The following FNDC3B variants were observed in gnomAD, a reference collection of about 807,000 sequenced individuals.
FNDC3B encodes the protein fibronectin type III domain containing 3B.
In FNDC3B, 12 loss-of-function variants were observed where a neutral mutation model predicts 151.5. That is an observed-to-expected ratio of 0.08 (90% CI 0.05 to 0.13). The LOEUF (loss-of-function observed/expected upper bound fraction) is 0.13. Ranked by LOEUF, FNDC3B falls within the 10% of genes least tolerant of loss-of-function variation. The pLI is 1.00. For synonymous variants in FNDC3B, 528 were observed against 549.0 expected (o/e 0.96, Z 0.54); for missense variants, 1,214 against 1,505.3 (o/e 0.81, Z 3.20).
intron 9 of FNDC3B, among the ~76,000 whole-genome samples, chr3:172,299,533 T>G (rs1730795621): frequency 6.6e-6 from 1 of 152,110 alleles, no homozygotes; most frequent in Admixed American, 6.6e-5. Context: ...CTAAAAAAAC[T>G]TTTTTTTAAT....
intron 1 of FNDC3B, among the ~76,000 whole-genome samples, chr3:172,056,143 C>T (rs992370476): frequency 6.6e-6 from 1 of 152,012 alleles, no homozygotes; most frequent in Non-Finnish European, 1.5e-5. Context: ...ACTGAGTCAT[C>T]GGTGAGTCCA....
At chr3:172,269,017 C>CT (rs1307587859) in intron 6 of FNDC3B, among the ~76,000 whole-genome samples, 162 of 151,952 alleles carry the variant, frequency 1.1e-3, no homozygotes, top group African/African-American at 3.2e-3. Context: ...TAGTATTTGG[C>CT]TTTTTTTTGT....
chr3:172,171,600 C>CT (rs34275289), intron 3 of FNDC3B, among the ~76,000 whole-genome samples: 3,679 of 123,522 alleles, frequency 0.03, 180 homozygotes, highest in African/African-American at 0.099. Context: ...GCTGTATTAA[C>CT]TTTTTTTTTT....
chr3:172,364,137 A>G (rs928326940), intron 23 of FNDC3B, among the ~76,000 whole-genome samples: 3 of 152,230 alleles, frequency 2.0e-5, no homozygotes. Flanking sequence ...CCACTGATAC[A>G]CAAGAGCATT....
intron 3 of FNDC3B, 34 bp downstream of exon 3, chr3:172,133,580 GA>G (rs553099022): frequency 3.4e-6 from 5 of 1,470,018 alleles, no homozygotes; most frequent in East Asian, 2.3e-5. Flanking sequence ...TCTAATCAAA[GA>G]TTTTTTTCTT....
intron 3 of FNDC3B, among the ~76,000 whole-genome samples, chr3:172,213,024 T>C (rs1303555754): frequency 3.3e-5 from 5 of 152,236 alleles, no homozygotes; most frequent in African/African-American, 1.2e-4. Flanking sequence ...GTTTGTAGTT[T>C]ACACACCAAT....
chr3:172,223,992 C>G (rs1726423512), intron 3 of FNDC3B, among the ~76,000 whole-genome samples: 1 of 152,188 alleles, frequency 6.6e-6, no homozygotes. Context: ...AAGTAAGGTT[C>G]AGAAAGGCTA....
intron 2 of FNDC3B, among the ~76,000 whole-genome samples, chr3:172,128,857 G>A (rs1720931249): frequency 6.6e-6 from 1 of 152,192 alleles, no homozygotes; most frequent in Non-Finnish European, 1.5e-5. Flanking sequence ...GAAGTGAAAT[G>A]GGATCTCCTC....
intron 3 of FNDC3B, among the ~76,000 whole-genome samples, chr3:172,177,259 GGCCTAAT>G (rs1723643323): frequency 6.6e-6 from 1 of 152,122 alleles, no homozygotes; most frequent in South Asian, 2.1e-4. Flanking sequence ...CGGATTCCTG[GGCCTAAT>G]GCCAGGTCTA....
intron 3 of FNDC3B, among the ~76,000 whole-genome samples, chr3:172,145,849 T>C (rs1362311727): frequency 3.3e-5 from 5 of 150,050 alleles, no homozygotes; most frequent in Non-Finnish European, 5.9e-5. Flanking sequence ...GTTTCACTCT[T>C]GTTGCCCAGG....
intron 3 of FNDC3B, among the ~76,000 whole-genome samples, chr3:172,189,968 T>C (rs1724419684): frequency 1.3e-5 from 2 of 152,204 alleles, no homozygotes. Context: ...GGCAGTATGC[T>C]GTTTTTATTC....
At chr3:172,325,571 C>T (rs1207488211) in intron 11 of FNDC3B, among the ~76,000 whole-genome samples, 1 of 152,168 alleles carries the variant, frequency 6.6e-6, no homozygotes, top group Non-Finnish European at 1.5e-5. Context: ...TATTTGCAAC[C>T]TGGGACCCAT....
At chr3:172,370,616 A>G (rs1242793645) in intron 23 of FNDC3B, among the ~76,000 whole-genome samples, 2 of 152,218 alleles carry the variant, frequency 1.3e-5, no homozygotes, top group Non-Finnish European at 2.9e-5. Flanking sequence ...GACTTGTTCA[A>G]GTTTACAGTG....
rs1715984021 is a variant in FNDC3B at position 172,040,566 on chromosome 3, G to A, written c.-29+795G>A. The A allele has an allele frequency of 6.6e-6, 1 of 152,188 alleles. No homozygotes were observed. Among genetic ancestry groups the A allele is most frequent in the East Asian group, 1.9e-4 (1 of 5,154 alleles). 9.4% of individuals were successfully genotyped at this position (152,188 alleles called of 1,614,324 possible). Reference sequence around the variant, plus strand: ...AGCCGGCGGCTGGAAGCTCGGGCGGGGGAGCGGGGCGCGGCGGGAAGGAGC... The same window carrying A: ...AGCCGGCGGCTGGAAGCTCGGGCGGAGGAGCGGGGCGCGGCGGGAAGGAGC... On this transcript the variant is annotated intron_variant, in intron 1 of 25. Coordinates refer to ENST00000415807, the MANE Select transcript of FNDC3B (RefSeq NM_022763.4). This position sits in a 1 kb window ranked among gnomAD's most constrained non-coding sequence, Gnocchi z 6.6.
In FNDC3B at chr3:172,400,496, A is replaced by G. The variant is rs1250186106; in HGVS notation, c.*3021A>G. 1 of 152,644 alleles carries G rather than the reference A, an allele frequency of 6.6e-6. No individual in the cohort carries two copies. Among genetic ancestry groups the G allele is most frequent in the Non-Finnish European group, 1.5e-5 (1 of 68,036 alleles). The allele number at this position is 152,644 out of a possible 1,614,324, so 9.5% of individuals were successfully genotyped here. A position where few individuals can be genotyped will look rare whatever the true frequency, so the allele number is the denominator to read the frequency against. On this transcript the variant is annotated 3_prime_UTR_variant, in exon 26 of 26. Coordinates refer to ENST00000415807, the MANE Select transcript of FNDC3B (RefSeq NM_022763.4). Reference sequence around the variant, plus strand: ...ACCTCACTGTTGGACATACATTCCAAGCTTTTCAACTCTAGGAGAAAAAGA... The same window carrying G: ...ACCTCACTGTTGGACATACATTCCAGGCTTTTCAACTCTAGGAGAAAAAGA...
chr3:172,326,121 C>T (rs1029659907), intron 11 of FNDC3B, among the ~76,000 whole-genome samples: 2 of 152,232 alleles, frequency 1.3e-5, no homozygotes, highest in African/African-American at 4.8e-5. Context: ...CCATCACACC[C>T]CGCCCAGATA....
intron 4 of FNDC3B, among the ~76,000 whole-genome samples, 177 bp from the exon 5 acceptor site, chr3:172,247,354 CAT>C (rs1214200947): frequency 6.6e-6 from 1 of 152,186 alleles, no homozygotes. Context: ...TTTATAGTTA[CAT>C]GTTATTACTT....
At chr3:172,169,419 C>T (rs1723182330) in intron 3 of FNDC3B, among the ~76,000 whole-genome samples, 2 of 152,206 alleles carry the variant, frequency 1.3e-5, no homozygotes, top group Non-Finnish European at 2.9e-5. Flanking sequence ...TAACAAGATA[C>T]TAAGATAAAT....
At chr3:172,181,836 A>T (rs901279530) in intron 3 of FNDC3B, among the ~76,000 whole-genome samples, 4 of 151,206 alleles carry the variant, frequency 2.6e-5, no homozygotes, top group Admixed American at 6.6e-5. Flanking sequence ...TCAAAAAAAA[A>T]AAAAAAAAAA....
Sources: allele counts gnomAD v4.1 joint callset (sites outside exome capture counted in the v4.1 genomes callset), GRCh38; gene constraint gnomAD v4.1.1; non-coding constraint Gnocchi (gnomAD v3.1); transcripts MANE v1.5; gene names NCBI Gene and HGNC (gene_info 2026-07-23, HGNC 2026-07-21).